Variants in TMC7 observed in about 807,000 individuals in gnomAD.
The protein encoded by TMC7 is transmembrane channel like 7, also known as transmembrane channel-like protein 7.
A neutral mutation model predicts 82.9 loss-of-function variants in TMC7; 54 were observed. The ratio of observed to expected loss-of-function variants is 0.65; its 90% confidence interval spans 0.52 to 0.82. The LOEUF (loss-of-function observed/expected upper bound fraction) is 0.82, where lower values mean the gene tolerates loss of function less well. TMC7 is among the 40% of genes least tolerant of loss of function. The pLI, the probability that TMC7 is intolerant of heterozygous loss-of-function variation, is 0.00. For synonymous variants in TMC7, 350 were observed against 337.9 expected, an observed-to-expected ratio of 1.04 and a Z score of -0.39; for missense variants, 820 against 901.2, an observed-to-expected ratio of 0.91 and a Z score of 1.15.
At chr16:19,011,172 G>T (rs1433070477) in intron 2 of TMC7, among the ~76,000 whole-genome samples, 1 of 152,104 alleles carries the variant, frequency 6.6e-6, no homozygotes, top group African/African-American at 2.4e-5. Context: ...TAGCCACATG[G>T]TCATACCTAA....
In TMC7 at chr16:19,063,309, T is replaced by C. The variant is rs942310444; in HGVS notation, c.*1466T>C. On this transcript the variant is annotated 3_prime_UTR_variant, in exon 16 of 16. Coordinates refer to ENST00000304381, the MANE Select transcript of TMC7 (RefSeq NM_024847.4). ...GGCTCATGCCTGCAATCCCAGAACT[T>C]TGGGAGTCCAAGGAGGGCAGATCAC... 9.9e-5 allele frequency: 15 copies of C among 152,168 alleles called. No individual in the cohort carries two copies. The highest frequency in any genetic ancestry group is 1.9e-4 in the Non-Finnish European group (13 of 68,040). 9.4% of individuals were successfully genotyped at this position (152,168 alleles called of 1,614,324 possible).
At chr16:19,024,247 A>G (rs1242653110) in intron 5 of TMC7, among the ~76,000 whole-genome samples, 1 of 152,006 alleles carries the variant, frequency 6.6e-6, no homozygotes, top group African/African-American at 2.4e-5. Context: ...CCTGGGCAAC[A>G]TATCTCTACA....
chr16:19,049,720 G>A (rs1961438958), intron 12 of TMC7: 1 of 948,560 alleles, frequency 1.1e-6, no homozygotes, highest in Non-Finnish European at 1.3e-6. Context: ...CTCACACCAG[G>A]CATGTCCCGC....
chr16:19,048,648 C>T (rs1347011552), intron 12 of TMC7, among the ~76,000 whole-genome samples: 20 of 151,906 alleles, frequency 1.3e-4, no homozygotes, highest in Admixed American at 1.2e-3. Context: ...CTTGAACTCC[C>T]GACCTCAGGT....
At position 18,986,930 on chromosome 16, in the gene TMC7, G is replaced by A. The variant is rs1255602889; in HGVS notation, c.67+2800G>A. Among the ~76,000 whole-genome samples, 15 of 151,750 alleles carry A rather than the reference G, an allele frequency of 9.9e-5. 1 individual carries two copies. The East Asian group carries it at 2.9e-3, about 30-fold the overall frequency. ...TGCCATTCTCCTGCCTCAGCCTCCC[G>A]AGTAGCTGGGACTACAGGCATCCGC... On this transcript the variant is annotated intron_variant, in intron 1 of 15. Transcript: ENST00000304381.
In TMC7 at chr16:19,009,295, G is replaced by A. The variant is rs1215634897; in HGVS notation, c.191G>A (p.Gly64Glu). The change falls in exon 2 of 16, where the codon GGA becomes GAA. Residue 64 changes from glycine to glutamate, a missense_variant. Transcript: ENST00000304381. The part of the protein sequence containing the change: ...TTVHSRDKQS[G>E]TLLKPTDSYS... The stretch of plus-strand genomic sequence containing the variant: ...GTCCATTCCCGGGACAAGCAAAGCG[G>A]AACTTTGCTAAAGCCAACCGACTCT... 28 of 1,614,078 alleles carry A rather than the reference G, an allele frequency of 1.7e-5. No individual in the cohort carries two copies. Among genetic ancestry groups the A allele is most frequent in the Non-Finnish European group, 2.3e-5 (27 of 1,180,046 alleles).
At chr16:18,986,346 G>T (rs888929740) in intron 1 of TMC7, among the ~76,000 whole-genome samples, 1 of 147,502 alleles carries the variant, frequency 6.8e-6, no homozygotes, top group African/African-American at 2.5e-5. Flanking sequence ...AGTGAGCCGA[G>T]ATTGTGCCAC....
intron 13 of TMC7, among the ~76,000 whole-genome samples, chr16:19,053,639 G>A (rs1000082894): frequency 1.3e-5 from 2 of 152,106 alleles, no homozygotes; most frequent in African/African-American, 4.8e-5. Context: ...CCGACCGCAG[G>A]TAATCTGACT....
In TMC7 at chr16:19,051,809, A is replaced by C. The variant is rs769232729; in HGVS notation, c.1864A>C (p.Ile622Leu). 1 of 1,613,972 alleles carries C rather than the reference A, an allele frequency of 6.2e-7. No homozygotes were observed. Among genetic ancestry groups the C allele is most frequent in the Admixed American group, 1.7e-5 (1 of 59,978 alleles). The change falls in exon 13 of 16, where the codon ATA (isoleucine) becomes CTA (leucine). Residue 622 changes from isoleucine (I) to leucine (L), a missense_variant. Transcript: ENST00000304381. ...GGCAATAATACCTCTGACAATCAGC[A>C]TATCACGGTAAATGTGACTTTGTTT... ...CLAIIPLTIS[I>L]SRIPSSKACG...
intron 6 of TMC7, among the ~76,000 whole-genome samples, chr16:19,032,776 C>T (rs1227315248): frequency 2.6e-5 from 4 of 152,018 alleles, no homozygotes; most frequent in Non-Finnish European, 5.9e-5. Flanking sequence ...TACAGGTGCA[C>T]GCCACCACGA....
In TMC7 at chr16:19,016,493, C is replaced by T; in HGVS notation, c.355C>T (p.Gln119Ter). 1.2e-6 allele frequency: 2 copies of T among 1,614,144 alleles called. No homozygotes were observed. The highest frequency in any genetic ancestry group is 1.7e-6 in the Non-Finnish European group (2 of 1,180,028). ...TQMKYLSEWD[Q>*]WKRYSSKSWK... ...AATGAAGTATCTCTCCGAATGGGAC[C>T]AGTGGAAGCGGTATAGCAGCAAGTC... Residue 119 changes from glutamine (Q) to a stop codon, truncating the protein, a stop_gained, in exon 3 of 16, where the codon CAG (glutamine) becomes TAG (stop). Transcript: ENST00000304381. LOFTEE classifies it high-confidence loss of function.
chr16:18,984,484 A>G, intron 1 of TMC7: 1 of 1,081,562 alleles, frequency 9.2e-7, no homozygotes, highest in South Asian at 4.1e-5. Flanking sequence ...ACATTCTGGT[A>G]TGAGGTGCCT....
chr16:19,035,330 G>A (rs1960696287), intron 6 of TMC7, among the ~76,000 whole-genome samples: 1 of 152,152 alleles, frequency 6.6e-6, no homozygotes, highest in Admixed American at 6.6e-5. Flanking sequence ...ACTGTGCTCA[G>A]TACCTGGATG....
chr16:19,022,691 G>A (rs768015248), intron 4 of TMC7, among the ~76,000 whole-genome samples: 2 of 152,186 alleles, frequency 1.3e-5, no homozygotes, highest in African/African-American at 2.4e-5. Context: ...TCCTCGTTAA[G>A]CCATGCATGA....
chr16:19,026,593 C>T (rs927390013), intron 5 of TMC7, among the ~76,000 whole-genome samples: 12 of 152,024 alleles, frequency 7.9e-5, no homozygotes, highest in Non-Finnish European at 1.0e-4. Flanking sequence ...AAAGTTTCTT[C>T]GCACACTGTA....
At chr16:18,994,721 A>G (rs2039010839) in intron 1 of TMC7, among the ~76,000 whole-genome samples, 1 of 152,172 alleles carries the variant, frequency 6.6e-6, no homozygotes, top group Non-Finnish European at 1.5e-5. Context: ...TTTGGTTGAT[A>G]AGGCTCAGAT....
At chr16:18,992,335 C>T in intron 1 of TMC7, among the ~76,000 whole-genome samples, 1 of 152,190 alleles carries the variant, frequency 6.6e-6, no homozygotes, top group East Asian at 1.9e-4. Context: ...ATTTGCATTT[C>T]TCTGATGGCC....
At chr16:19,022,244 G>C (rs1960013775) in intron 4 of TMC7, among the ~76,000 whole-genome samples, 1 of 152,138 alleles carries the variant, frequency 6.6e-6, no homozygotes, top group Non-Finnish European at 1.5e-5. Flanking sequence ...AGAAAGAGAT[G>C]TTACTGTATT....
chr16:19,037,722 C>T, intron 7 of TMC7, 152 bp from the exon 8 acceptor site: 1 of 721,808 alleles, frequency 1.4e-6, no homozygotes, highest in Non-Finnish European at 2.2e-6. Flanking sequence ...ATCCTCCTAC[C>T]TTGGCCTGCC....
Sources: allele counts gnomAD v4.1 joint callset (sites outside exome capture counted in the v4.1 genomes callset), GRCh38; gene constraint gnomAD v4.1.1; transcripts MANE v1.5; gene names NCBI Gene and HGNC (gene_info 2026-07-23, HGNC 2026-07-21).